The following MYH11 variants were observed in gnomAD, a reference collection of about 807,000 sequenced individuals.
MYH11 encodes the protein myosin heavy chain 11.
A neutral mutation model predicts 246.6 loss-of-function variants in MYH11; 80 were observed. The ratio of observed to expected loss-of-function variants is 0.32; its 90% CI spans 0.27 to 0.39. The LOEUF is 0.39. Ranked by LOEUF, MYH11 falls within the 10% of genes least tolerant of loss-of-function variation. MYH11 has a pLI of 1.00. For synonymous variants in MYH11, 1,071 were observed against 1,015.5 expected (o/e 1.05, Z -1.04); for missense variants, 2,158 against 2,546.8 (o/e 0.85, Z 3.29).
chr16:15,828,133 C>T (rs964319163), intron 2 of MYH11, among the ~76,000 whole-genome samples: 4 of 152,198 alleles, frequency 2.6e-5, no homozygotes, highest in South Asian at 2.1e-4. Flanking sequence ...GCTACTTCTT[C>T]GCTGTGTGAC....
intron 40 of MYH11, among the ~76,000 whole-genome samples, chr16:15,712,685 C>T (rs2039871285): frequency 6.6e-6 from 1 of 151,854 alleles, no homozygotes; most frequent in African/African-American, 2.4e-5. Flanking sequence ...AGGGACAACC[C>T]CACAGGTCGG....
At position 15,757,831 on chromosome 16, in the gene MYH11, C is replaced by T. The variant is rs886051764; in HGVS notation, c.1571G>A (p.Arg524Gln). The change falls in exon 13 of 41, where the codon CGA becomes CAA. Residue 524 changes from arginine (R) to glutamine (Q), a missense_variant. This residue lies in a region of MYH11 where 317 missense variants were observed against 507.7 expected (regional missense o/e 0.62). Coordinates refer to ENST00000300036, the MANE Select transcript of MYH11 (RefSeq NM_002474.3). ...DLQPCIELIE[R>Q]PNNPPGVLAL... Reference sequence around the variant, plus strand: ...GCACGCCCACGTGCCCCTCACCGGTCGCTCGATGAGCTCGATGCAGGGCTG... The same window carrying T: ...GCACGCCCACGTGCCCCTCACCGGTTGCTCGATGAGCTCGATGCAGGGCTG... The T allele has an allele frequency of 1.9e-5, 31 of 1,614,184 alleles. No individual in the cohort carries two copies. Among genetic ancestry groups the T allele is most frequent in the Non-Finnish European group, 2.5e-5 (30 of 1,180,042 alleles).
At position 15,798,640 on chromosome 16, in the gene MYH11, G is replaced by GAAAAAA; in HGVS notation, c.530+19_530+20insTTTTTT. The GAAAAAA allele has an allele frequency of 1.5e-6, 2 of 1,324,342 alleles. No homozygotes were observed. The highest frequency in any genetic ancestry group is 2.5e-5 in the East Asian group (1 of 40,012). The allele number at this position is 1,324,342 out of a possible 1,614,324, so 82.0% of individuals were successfully genotyped here. ...AAAAAAAAACAAAAAAAAAACAGAA[G>GAAAAAA]AAAAAGCAGTTCCACTTACGTGCAT... On this transcript the variant is annotated intron_variant, in intron 4 of 40. Coordinates refer to ENST00000300036, the MANE Select transcript of MYH11 (RefSeq NM_002474.3).
chr16:15,736,525 C>A (rs367768245), intron 25 of MYH11, among the ~76,000 whole-genome samples: 2 of 152,200 alleles, frequency 1.3e-5, no homozygotes, highest in African/African-American at 2.4e-5. Context: ...GCAATCCCCC[C>A]ACCTCGGCTT....
Position 15,838,281 on chromosome 16 carries a change from G to C in MYH11, c.-17-12C>G. On this transcript the variant is annotated splice_polypyrimidine_tract_variant and intron_variant, in intron 1 of 40. Coordinates refer to ENST00000300036, the MANE Select transcript of MYH11 (RefSeq NM_002474.3). ...GCCTTGTTGGTCCCCTGTGGAATAAGGTAACAGGGTCAGAATCAGACCACA... is the reference window on the plus strand; with the variant it reads ...GCCTTGTTGGTCCCCTGTGGAATAACGTAACAGGGTCAGAATCAGACCACA... 6.2e-7 allele frequency: 1 copy of C among 1,605,980 alleles called. No homozygotes were observed. Among genetic ancestry groups the C allele is most frequent in the Non-Finnish European group, 8.5e-7 (1 of 1,173,290 alleles).
At chr16:15,819,450 G>A (rs2043346786) in intron 3 of MYH11, among the ~76,000 whole-genome samples, 1 of 152,128 alleles carries the variant, frequency 6.6e-6, no homozygotes, top group African/African-American at 2.4e-5. Context: ...ATTACTGCCT[G>A]AGCTCTGCTT....
rs779757963 is a variant in MYH11, at chr16:15,786,743, C to T, written c.531-11G>A. On this transcript the variant is annotated splice_polypyrimidine_tract_variant and intron_variant, in intron 4 of 40. Coordinates refer to ENST00000300036, the MANE Select transcript of MYH11 (RefSeq NM_002474.3). ...GCTCCAGACTCGCCTCTGAAAGACA[C>T]GGGAACATCATCTATGCACACGTTC... is the stretch of plus-strand genomic sequence containing the variant. The T allele has an allele frequency of 3.1e-6, 5 of 1,611,650 alleles. No homozygotes were observed. The highest frequency in any genetic ancestry group is 3.3e-5 in the Admixed American group (2 of 59,876).
At chr16:15,732,893 A>T in intron 26 of MYH11, 185 bp from the exon 27 acceptor site, 1 of 672,708 alleles carries the variant, frequency 1.5e-6, no homozygotes, top group South Asian at 1.8e-5. Context: ...CAGCTGCAAA[A>T]TGTGGAGCAT....
chr16:15,758,666 G>T (rs796145436), intron 12 of MYH11, among the ~76,000 whole-genome samples: 12 of 151,900 alleles, frequency 7.9e-5, no homozygotes, highest in African/African-American at 2.7e-4. Context: ...AAGTAGCCAG[G>T]CATGGTGGCA....
chr16:15,733,361 G>A (rs1004363291), intron 26 of MYH11, among the ~76,000 whole-genome samples: 1 of 152,162 alleles, frequency 6.6e-6, no homozygotes. Flanking sequence ...GGCCTCCTAA[G>A]TAGCTGGGAT....
chr16:15,786,588 G>C, intron 5 of MYH11, 42 bp downstream of exon 5: 2 of 1,565,386 alleles, frequency 1.3e-6, no homozygotes, highest in Non-Finnish European at 1.8e-6. Flanking sequence ...GCTGGAGACC[G>C]GTTGGCTAAA....
intron 17 of MYH11, 23 bp downstream of exon 17, chr16:15,748,024 C>T (rs763554925): frequency 6.8e-6 from 11 of 1,614,096 alleles, no homozygotes; most frequent in African/African-American, 1.3e-5. Flanking sequence ...CCTGCCCTAC[C>T]TGGGCCAGAC....
chr16:15,754,654 TTTTG>T (rs890905305), intron 14 of MYH11, among the ~76,000 whole-genome samples: 7 of 152,042 alleles, frequency 4.6e-5, no homozygotes, highest in South Asian at 2.1e-4. Context: ...TCATACAATG[TTTTG>T]TTTGTTTGTT....
rs2151256712 is a variant in MYH11, at chr16:15,745,187, C to T, written c.2462G>A (p.Arg821Lys). The T allele has an allele frequency of 6.2e-7, 1 of 1,614,136 alleles. No homozygotes were observed. Among genetic ancestry groups the T allele is most frequent in the Non-Finnish European group, 8.5e-7 (1 of 1,180,040 alleles). The change falls in exon 20 of 41, where the codon AGG (arginine) becomes AAG (lysine). Residue 821 changes from arginine to lysine, a missense_variant. Transcript: ENST00000300036. ...QQLTAMKVIQ[R>K]NCAAYLKLRN... ...CAGCTTGAGGTAGGCGGCGCAGTTC[C>T]TCTGAATCACCTTCATGGCGGTCAG...
chr16:15,759,839 G>C, intron 11 of MYH11, 111 bp from the exon 12 acceptor site: 1 of 1,386,826 alleles, frequency 7.2e-7, no homozygotes, highest in Non-Finnish European at 9.9e-7. Flanking sequence ...GACTCACACT[G>C]TAATCCCAGC....
rs1309183278 is a variant in MYH11 at position 15,735,593 on chromosome 16, C to G, written c.3294-15G>C. On this transcript the variant is annotated splice_polypyrimidine_tract_variant and intron_variant, in intron 25 of 40. Transcript: ENST00000300036. ...CATCGTCAAGCCTTCCAGGGAGAGA[C>G]CCAGCAGAATGAACCCCCAGGTCCC... 1 of 1,613,992 alleles carries G rather than the reference C, an allele frequency of 6.2e-7. No individual in the cohort carries two copies. The highest frequency in any genetic ancestry group is 1.7e-5 in the Admixed American group (1 of 60,016).
chr16:15,797,423 G>A (rs13339640), intron 4 of MYH11, among the ~76,000 whole-genome samples: 5,338 of 151,840 alleles, frequency 0.035, 332 homozygotes, highest in African/African-American at 0.12. Flanking sequence ...TATAAAGAGC[G>A]TTCTCTCTCA....
In MYH11 at chr16:15,722,710, G is replaced by A. The variant is rs116216318; in HGVS notation, c.4366-1076C>T. Among the ~76,000 whole-genome samples the A allele has an allele frequency of 7.2e-3, 1,093 of 152,220 alleles. 12 individuals are homozygous for A. Among genetic ancestry groups the A allele is most frequent in the African/African-American group, 0.026 (1,064 of 41,538 alleles). On this transcript the variant is annotated intron_variant, in intron 31 of 40. Coordinates refer to ENST00000300036, the MANE Select transcript of MYH11 (RefSeq NM_002474.3). Reference sequence around the variant, plus strand: ...TCAGGGAGGGGTAGGGAACCTGCAGGCATCTGGCATTTAGCCTCACTGTAC... The same window carrying A: ...TCAGGGAGGGGTAGGGAACCTGCAGACATCTGGCATTTAGCCTCACTGTAC...
intron 11 of MYH11, 26 bp downstream of exon 11, chr16:15,760,514 T>G: frequency 1.3e-6 from 2 of 1,518,140 alleles, no homozygotes; most frequent in East Asian, 4.5e-5. Context: ...GGTGCATGGA[T>G]GGATAAGTGA....
Sources: allele counts gnomAD v4.1 joint callset (sites outside exome capture counted in the v4.1 genomes callset), GRCh38; gene constraint gnomAD v4.1.1; regional missense constraint gnomAD v4.1.1; transcripts MANE v1.5; gene names NCBI Gene and HGNC (gene_info 2026-07-23, HGNC 2026-07-21).